Variants in PADI3 observed in about 807,000 individuals in gnomAD.
PADI3 encodes the protein protein-arginine deiminase type-3.
In PADI3, 53 loss-of-function variants were observed where a neutral mutation model predicts 71.5. The observed-to-expected ratio is 0.74, with a 90% confidence interval of 0.59 to 0.93. The LOEUF is 0.93. Ranked by LOEUF, PADI3 falls within the 40% of genes least tolerant of loss-of-function variation. The pLI is 0.00. For missense variants in PADI3, 821 were observed against 868.0 expected, an observed-to-expected ratio of 0.95 and a Z score of 0.68; for synonymous variants, 361 against 347.5, an observed-to-expected ratio of 1.04 and a Z score of -0.43.
Position 17,267,909 on chromosome 1 carries a change from T to C in PADI3, c.599T>C (p.Val200Ala). The change falls in exon 6 of 16, where the codon GTC becomes GCC. Residue 200 changes from valine to alanine, a missense_variant. Val to Ala is a moderately conservative substitution (Grantham distance 64). Coordinates refer to ENST00000375460, the MANE Select transcript of PADI3 (RefSeq NM_016233.2). ...PAALFDDHKL[V>A]LHTSSYDAKR... is the part of the protein sequence containing the mutation. ...GCCCTCTTTGATGACCACAAACTTG[T>C]CCTCCATACCTCCAGCTATGATGCC... 6.2e-7 allele frequency: 1 copy of C among 1,614,188 alleles called. No homozygotes were observed. Among genetic ancestry groups the C allele is most frequent in the South Asian group, 1.1e-5 (1 of 91,084 alleles).
chr1:17,280,756 A>G lies in PADI3; in HGVS notation c.1721A>G (p.Lys574Arg), dbSNP rs1253231900. Residue 574 changes from lysine to arginine, a missense_variant, in exon 15 of 16, where the codon AAG becomes AGG. Physicochemically the swap from Lys to Arg is conservative, Grantham distance 26. Transcript: ENST00000375460. The stretch of plus-strand genomic sequence containing the variant: ...ATCATTGACATCCCACAGCTCTTCA[A>G]GACCGAGAGGAAAAAAGCAACGGCC... ...CDIIDIPQLF[K>R]TERKKATAFF... is the part of the protein sequence containing the mutation. 5 of 1,614,062 alleles carry G rather than the reference A, an allele frequency of 3.1e-6. No individual in the cohort carries two copies. Among genetic ancestry groups the G allele is most frequent in the Non-Finnish European group, 4.2e-6 (5 of 1,180,012 alleles).
At position 17,282,864 on chromosome 1, in the gene PADI3, G is replaced by C. The variant is rs200216677; in HGVS notation, c.1780G>C (p.Gly594Arg). 81 of 1,612,414 alleles carry C rather than the reference G, an allele frequency of 5.0e-5. No individual in the cohort carries two copies. The highest frequency in any genetic ancestry group is 6.4e-5 in the Non-Finnish European group (75 of 1,179,296). Residue 594 changes from glycine to arginine, a missense_variant, in exon 16 of 16, where the codon GGG (glycine) becomes CGG (arginine). Physicochemically the swap from Gly to Arg is moderately radical, Grantham distance 125. Transcript: ENST00000375460. Reference sequence around the variant, plus strand: ...ACTGCAGGTGAACATGCTGGTGCTGGGGAAGCACCTGGGCATCCCCAAGCC... The same window carrying C: ...ACTGCAGGTGAACATGCTGGTGCTGCGGAAGCACCTGGGCATCCCCAAGCC... ...FPDLVNMLVL[G>R]KHLGIPKPFG... is the part of the protein sequence containing the mutation.
intron 15 of PADI3, among the ~76,000 whole-genome samples, chr1:17,282,282 G>A (rs1242282963): frequency 1.3e-5 from 2 of 152,056 alleles, no homozygotes; most frequent in Non-Finnish European, 2.9e-5. Flanking sequence ...AGCAGAGCCT[G>A]GAACCCTCTC....
In PADI3 at chr1:17,262,190, T is replaced by C; in HGVS notation, c.331T>C (p.Tyr111His). Residue 111 changes from tyrosine (Y) to histidine (H), a missense_variant, in exon 3 of 16, where the codon TAC (tyrosine) becomes CAC (histidine). Physicochemically the swap from Tyr to His is moderately conservative, Grantham distance 83. Coordinates refer to ENST00000375460, the MANE Select transcript of PADI3 (RefSeq NM_016233.2). ...EPLPLAYAVL[Y>H]LTCVDISLDC... is the part of the protein sequence containing the mutation. ...TCTGCCCCTGGCCTATGCGGTGCTC[T>C]ACCTCACCTGTGTTGGTAAGTTGGG... is the stretch of plus-strand genomic sequence containing the variant. 6.2e-7 allele frequency: 1 copy of C among 1,610,514 alleles called. No individual in the cohort carries two copies. Among genetic ancestry groups the C allele is most frequent in the Non-Finnish European group, 8.5e-7 (1 of 1,178,982 alleles).
In PADI3 at chr1:17,283,307, C is replaced by T; in HGVS notation, c.*228C>T. Reference sequence around the variant, plus strand: ...TTCTCGGCCCCCCAAAAAGAAGGACCTCATTTCTTATAGCCTCTCCTGTGA... The same window carrying T: ...TTCTCGGCCCCCCAAAAAGAAGGACTTCATTTCTTATAGCCTCTCCTGTGA... On this transcript the variant is annotated 3_prime_UTR_variant, in exon 16 of 16. Coordinates refer to ENST00000375460, the MANE Select transcript of PADI3 (RefSeq NM_016233.2). 1.9e-6 allele frequency: 1 copy of T among 540,208 alleles called. No individual in the cohort carries two copies. Among genetic ancestry groups the T allele is most frequent in the Non-Finnish European group, 3.3e-6 (1 of 301,120 alleles). 33.5% of individuals were successfully genotyped at this position (540,208 alleles called of 1,614,324 possible). A position where few individuals can be genotyped will look rare whatever the true frequency, so the allele number is the denominator to read the frequency against.
At chr1:17,275,314 G>A (rs2073313847) in intron 11 of PADI3, among the ~76,000 whole-genome samples, 1 of 151,386 alleles carries the variant, frequency 6.6e-6, no homozygotes, top group African/African-American at 2.4e-5. Context: ...GCAGGCGCCT[G>A]TAGTCCCAGC....
chr1:17,259,669 C>T lies in PADI3; in HGVS notation c.184C>T (p.Arg62Cys), dbSNP rs142555354. The T allele has an allele frequency of 3.7e-6, 6 of 1,613,814 alleles. No individual in the cohort carries two copies. The African/African-American group carries it at 4.0e-5, about 11-fold the overall frequency. ...ISPNMERGRERADTRRWRFDA... is the reference protein window; with the variant it reads ...ISPNMERGRECADTRRWRFDA... ...TCCCAACATGGAGAGGGGCCGGGAGCGTGCAGACACCAGGCGGTGGCGCTT... is the reference window on the plus strand; with the variant it reads ...TCCCAACATGGAGAGGGGCCGGGAGTGTGCAGACACCAGGCGGTGGCGCTT... The change falls in exon 2 of 16, where the codon CGT becomes TGT. Residue 62 changes from arginine to cysteine, a missense_variant. Physicochemically the swap from Arg to Cys is radical, Grantham distance 180. Transcript: ENST00000375460.
chr1:17,279,089 G>C (rs1470306572), intron 13 of PADI3, among the ~76,000 whole-genome samples: 1 of 152,178 alleles, frequency 6.6e-6, no homozygotes, highest in Non-Finnish European at 1.5e-5. Flanking sequence ...CTTATGGTGA[G>C]CAAGACCCAG....
chr1:17,265,572 G>A, intron 3 of PADI3, 87 bp from the exon 4 acceptor site: 3 of 1,181,344 alleles, frequency 2.5e-6, no homozygotes, highest in Non-Finnish European at 3.8e-6. Flanking sequence ...ACTTGCCTTT[G>A]CTCAGCCCCA....
Position 17,266,966 on chromosome 1 carries a change from C to T in PADI3, c.526+130C>T, listed in dbSNP as rs115110598. On this transcript the variant is annotated intron_variant, in intron 5 of 15. Transcript: ENST00000375460. ...AGAGCGCCAGCCTCCAGACACACCT[C>T]GATGCTCCTCAAAACCCATCTCAGG... The T allele has an allele frequency of 1.4e-4, 100 of 712,874 alleles. 1 individual carries two copies. The African/African-American group carries it at 1.4e-3, about 10-fold the overall frequency. 44.2% of individuals were successfully genotyped at this position (712,874 alleles called of 1,614,324 possible). A position where few individuals can be genotyped will look rare whatever the true frequency, so the allele number is the denominator to read the frequency against.
Position 17,283,698 on chromosome 1 carries a change from A to G in PADI3, c.*619A>G, listed in dbSNP as rs1231665152. 2 of 152,404 alleles carry G rather than the reference A, an allele frequency of 1.3e-5. No individual in the cohort carries two copies. Among genetic ancestry groups the G allele is most frequent in the African/African-American group, 4.8e-5 (2 of 41,466 alleles). 9.4% of individuals were successfully genotyped at this position (152,404 alleles called of 1,614,324 possible). A position where few individuals can be genotyped will look rare whatever the true frequency, so the allele number is the denominator to read the frequency against. ...TCACATAGTAGGAGCTTCTAGATGC[A>G]TGTGGAAGCAATGAGAGTTGTCCCT... On this transcript the variant is annotated 3_prime_UTR_variant, in exon 16 of 16. Coordinates refer to ENST00000375460, the MANE Select transcript of PADI3 (RefSeq NM_016233.2).
chr1:17,264,315 G>A (rs1426407939), intron 3 of PADI3, among the ~76,000 whole-genome samples: 1 of 145,692 alleles, frequency 6.9e-6, no homozygotes, highest in Non-Finnish European at 1.5e-5. Flanking sequence ...ACATACATAT[G>A]TGCATAAAGC....
At chr1:17,269,779 C>T (rs1188234247) in intron 6 of PADI3, among the ~76,000 whole-genome samples, 3 of 151,940 alleles carry the variant, frequency 2.0e-5, no homozygotes, top group Admixed American at 1.3e-4. Context: ...CACCACCGCC[C>T]GGCTAATTTT....
At chr1:17,265,611 G>A (rs987832304) in intron 3 of PADI3, 48 bp from the exon 4 acceptor site, 2 of 1,556,590 alleles carry the variant, frequency 1.3e-6, no homozygotes, top group Non-Finnish European at 1.8e-6. Context: ...GGCCTGCCCT[G>A]GGCTCCTGGG....
At chr1:17,279,223 C>T (rs2073371228) in intron 13 of PADI3, among the ~76,000 whole-genome samples, 2 of 152,118 alleles carry the variant, frequency 1.3e-5, no homozygotes, top group South Asian at 2.1e-4. Flanking sequence ...GTGACTGTGG[C>T]GATTAATTAC....
Position 17,280,675 on chromosome 1 carries a change from G to A in PADI3, c.1640G>A (p.Cys547Tyr). The A allele has an allele frequency of 6.2e-7, 1 of 1,614,150 alleles. No individual in the cohort carries two copies. The change falls in exon 15 of 16, where the codon TGC (cysteine) becomes TAC (tyrosine). Residue 547 changes from cysteine to tyrosine, a missense_variant. Cys to Tyr is a radical substitution (Grantham distance 194, BLOSUM62 -2). Transcript: ENST00000375460. The stretch of plus-strand genomic sequence containing the variant: ...CTGGCCCTCCCCTGCCCCCAGAGCT[G>A]CATCGACTGGAACCGTGAGGTGCTG... ...LINYNKFVQS[C>Y]IDWNREVLKR...
chr1:17,251,929 T>A (rs2072970650), intron 1 of PADI3, among the ~76,000 whole-genome samples: 1 of 152,148 alleles, frequency 6.6e-6, no homozygotes, highest in South Asian at 2.1e-4. Flanking sequence ...TACATCTGAC[T>A]CATGGCTGAG....
At chr1:17,259,906 C>A in intron 2 of PADI3, 148 bp downstream of exon 2, 1 of 639,636 alleles carries the variant, frequency 1.6e-6, no homozygotes, top group Non-Finnish European at 2.6e-6. Context: ...ATTTTGAATC[C>A]CAGCTCTGCA....
chr1:17,253,043 G>A (rs61056441), intron 1 of PADI3, among the ~76,000 whole-genome samples: 11,107 of 152,238 alleles, frequency 0.073, 517 homozygotes, highest in African/African-American at 0.13. Context: ...ACTTGCTCAG[G>A]GTTACATAGT....
Sources: allele counts gnomAD v4.1 joint callset (sites outside exome capture counted in the v4.1 genomes callset), GRCh38; gene constraint gnomAD v4.1.1; transcripts MANE v1.5; gene names NCBI Gene and HGNC (gene_info 2026-07-23, HGNC 2026-07-21).